Variants in CDKAL1 observed in about 807,000 individuals in gnomAD.
CDKAL1 encodes the protein CDKAL1 threonylcarbamoyladenosine tRNA methylthiotransferase, also known as threonylcarbamoyladenosine tRNA methylthiotransferase.
In CDKAL1, 32 loss-of-function variants were observed where a neutral mutation model predicts 68.2. The observed-to-expected ratio is 0.47, with a 90% CI of 0.35 to 0.63. CDKAL1 has a LOEUF of 0.63. Among genes scored for constraint, CDKAL1 ranks in the 30% least tolerant of loss-of-function variants. The pLI is 0.00. For missense variants in CDKAL1, 606 were observed against 696.7 expected, an observed-to-expected ratio of 0.87 and a Z score of 1.47; for synonymous variants, 234 against 244.3, an observed-to-expected ratio of 0.96 and a Z score of 0.39.
chr6:20,744,977 A>C (rs943053987), intron 6 of CDKAL1, among the ~76,000 whole-genome samples: 5 of 152,250 alleles, frequency 3.3e-5, no homozygotes, highest in African/African-American at 4.8e-5. Flanking sequence ...TAAGACATGC[A>C]ATTCACAACG....
intron 5 of CDKAL1, among the ~76,000 whole-genome samples, chr6:20,714,803 T>G (rs573763163): frequency 5.1e-4 from 78 of 152,178 alleles, no homozygotes; most frequent in Non-Finnish European, 4.4e-4. Flanking sequence ...TTGGCATACA[T>G]AAGAGTTTAT....
intron 8 of CDKAL1, among the ~76,000 whole-genome samples, chr6:20,833,994 G>A (rs1015086196): frequency 1.3e-5 from 2 of 152,146 alleles, no homozygotes; most frequent in Non-Finnish European, 2.9e-5. Flanking sequence ...GAAATCCAGC[G>A]ATCTGTGCTT....
intron 13 of CDKAL1, among the ~76,000 whole-genome samples, chr6:21,142,072 G>A (rs1775943887): frequency 6.6e-6 from 1 of 152,014 alleles, no homozygotes; most frequent in South Asian, 2.1e-4. Flanking sequence ...CATTTAAATA[G>A]CTGGTCCTCA....
intron 9 of CDKAL1, among the ~76,000 whole-genome samples, chr6:20,918,549 T>TTCA (rs1762817410): frequency 6.6e-6 from 1 of 152,202 alleles, no homozygotes; most frequent in Non-Finnish European, 1.5e-5. Context: ...TTCTTGTACA[T>TTCA]CACAAAAAGC....
chr6:20,583,065 T>G (rs1765202478), intron 4 of CDKAL1, among the ~76,000 whole-genome samples: 1 of 152,170 alleles, frequency 6.6e-6, no homozygotes, highest in African/African-American at 2.4e-5. Context: ...TGAGGGATTT[T>G]TTTTGGGAAA....
chr6:20,605,667 C>T (rs1766301570), intron 4 of CDKAL1, among the ~76,000 whole-genome samples: 1 of 152,132 alleles, frequency 6.6e-6, no homozygotes, highest in African/African-American at 2.4e-5. Context: ...TGACTGGAGC[C>T]ATGCTCAGTC....
intron 9 of CDKAL1, among the ~76,000 whole-genome samples, chr6:20,942,041 G>T (rs1330320774): frequency 6.6e-6 from 1 of 152,076 alleles, no homozygotes; most frequent in Non-Finnish European, 1.5e-5. Context: ...TACTTAATTA[G>T]CTTATAAGAC....
intron 8 of CDKAL1, among the ~76,000 whole-genome samples, chr6:20,789,164 G>A (rs186108101): frequency 8.5e-4 from 130 of 152,276 alleles, no homozygotes; most frequent in Middle Eastern, 3.4e-3. Context: ...TGTGAACTGC[G>A]TTTTTACTCT....
At chr6:21,026,376 A>G (rs1768963329) in intron 11 of CDKAL1, among the ~76,000 whole-genome samples, 1 of 152,150 alleles carries the variant, frequency 6.6e-6, no homozygotes, top group East Asian at 1.9e-4. Context: ...GAGTCAAGAA[A>G]TAAGTTTCTT....
chr6:21,206,270 TAA>T lies in CDKAL1; in HGVS notation c.1548+4997_1548+4998del, dbSNP rs1350517858. Reference sequence around the variant, plus strand: ...ACACTGGATACAAAAAAATAATAAGTAAGAGAGAGAGGGAAAAAAATGAGAAA... The same window carrying T: ...ACACTGGATACAAAAAAATAATAAGTGAGAGAGAGGGAAAAAAATGAGAAA... On this transcript the variant is annotated intron_variant, in intron 15 of 15. Transcript: ENST00000274695. Among the ~76,000 whole-genome samples, 4 of 152,090 alleles carry T rather than the reference TAA, an allele frequency of 2.6e-5. No individual in the cohort carries two copies. In the South Asian group the frequency reaches 6.2e-4, roughly 24 times the overall value.
At chr6:21,018,731 ATT>A (rs1394544801) in intron 11 of CDKAL1, among the ~76,000 whole-genome samples, 1 of 152,018 alleles carries the variant, frequency 6.6e-6, no homozygotes, top group African/African-American at 2.4e-5. Context: ...TTATGTTATT[ATT>A]TGTTTTCTGT....
At chr6:21,151,857 C>A (rs1776423782) in intron 13 of CDKAL1, among the ~76,000 whole-genome samples, 1 of 152,056 alleles carries the variant, frequency 6.6e-6, no homozygotes, top group Admixed American at 6.6e-5. Context: ...AAATGCAGTT[C>A]GTATCTACAG....
rs202066238 is a variant in CDKAL1 at position 21,173,012 on chromosome 6, C to CT, written c.1300-24995dup. ...TTTCATTCCTCATTTTGTCTTTTAT[C>CT]TTTTTTTTTTTTTTCTTGATTGGCT... On this transcript the variant is annotated intron_variant, in intron 13 of 15. Transcript: ENST00000274695. 4.8e-3 allele frequency among the ~76,000 whole-genome samples: 669 copies of CT among 138,748 alleles called. 2 individuals are homozygous for CT. Among genetic ancestry groups the CT allele is most frequent in the Admixed American group, 5.6e-3 (77 of 13,868 alleles). 91.0% of individuals were successfully genotyped at this position (138,748 alleles called of 152,430 possible). A position where few individuals can be genotyped will look rare whatever the true frequency, so the allele number is the denominator to read the frequency against.
chr6:20,591,440 C>T (rs1427414752), intron 4 of CDKAL1, among the ~76,000 whole-genome samples: 1 of 152,110 alleles, frequency 6.6e-6, no homozygotes, highest in Non-Finnish European at 1.5e-5. Context: ...TTCCTGTGTC[C>T]TGAATGGTAT....
chr6:20,882,073 C>T (rs1034520468), intron 9 of CDKAL1, among the ~76,000 whole-genome samples: 2 of 152,094 alleles, frequency 1.3e-5, no homozygotes, highest in Non-Finnish European at 2.9e-5. Context: ...CAAAATATGG[C>T]ACATTGCATA....
At chr6:20,905,451 A>G (rs1762189855) in intron 9 of CDKAL1, among the ~76,000 whole-genome samples, 1 of 152,212 alleles carries the variant, frequency 6.6e-6, no homozygotes. Context: ...GACCTGTGGA[A>G]CCTTACACCA....
At chr6:20,592,755 C>T (rs1395445903) in intron 4 of CDKAL1, among the ~76,000 whole-genome samples, 1 of 152,066 alleles carries the variant, frequency 6.6e-6, no homozygotes, top group East Asian at 1.9e-4. Flanking sequence ...GTGTGAGCCG[C>T]TGTGTTTGGC....
chr6:20,911,155 T>C (rs1272802912), intron 9 of CDKAL1, among the ~76,000 whole-genome samples: 5 of 152,254 alleles, frequency 3.3e-5, no homozygotes, highest in Admixed American at 6.5e-5. Context: ...GTATCTAATT[T>C]GATATTTATG....
chr6:20,758,402 A>G (rs2819999), intron 6 of CDKAL1, among the ~76,000 whole-genome samples, 193 bp from the exon 7 acceptor site: 145,982 of 152,230 alleles, frequency 0.96, 70,006 homozygotes, highest in East Asian at 1. Flanking sequence ...AGGACAGGAG[A>G]GTGATAATTT....
Sources: allele counts gnomAD v4.1 joint callset (sites outside exome capture counted in the v4.1 genomes callset), GRCh38; gene constraint gnomAD v4.1.1; transcripts MANE v1.5; gene names NCBI Gene and HGNC (gene_info 2026-07-23, HGNC 2026-07-21).